The following PDE11A variants were observed in gnomAD, a reference collection of about 807,000 sequenced individuals.
PDE11A encodes the protein phosphodiesterase 11A, also known as dual 3',5'-cyclic-AMP and -GMP phosphodiesterase 11A.
PDE11A carries 100 observed loss-of-function variants against 100.5 expected under a neutral mutation model. The ratio of observed to expected loss-of-function variants is 1.00; its 90% CI spans 0.85 to 1.18. The LOEUF is 1.18. Ranked by LOEUF, PDE11A falls within the 50% of genes most tolerant of loss-of-function variation. PDE11A has a pLI of 0.00. For missense variants in PDE11A, 1,141 were observed against 1,152.6 expected (o/e 0.99, Z 0.15); for synonymous variants, 381 against 420.8 (o/e 0.91, Z 1.16).
At chr2:177,794,377 A>AACAGGAGGTCAT (rs1483979372) in intron 9 of PDE11A, among the ~76,000 whole-genome samples, 1 of 152,192 alleles carries the variant, frequency 6.6e-6, no homozygotes, top group African/African-American at 2.4e-5. Context: ...AAGTGAGAAT[A>AACAGGAGGTCAT]ACAGGAGGTC....
intron 2 of PDE11A, among the ~76,000 whole-genome samples, chr2:177,981,251 T>C (rs2085877989): frequency 1.3e-5 from 2 of 150,580 alleles, no homozygotes; most frequent in Non-Finnish European, 3.0e-5. Context: ...ATATTTACTG[T>C]ATTAGTTTCC....
At chr2:177,671,296 T>G (rs1368046698) in intron 17 of PDE11A, among the ~76,000 whole-genome samples, 1 of 152,126 alleles carries the variant, frequency 6.6e-6, no homozygotes, top group Non-Finnish European at 1.5e-5. Flanking sequence ...CTTGCACAAC[T>G]GCTTTGTTGG....
At chr2:177,738,627 G>A (rs1327434678) in intron 10 of PDE11A, among the ~76,000 whole-genome samples, 1 of 152,124 alleles carries the variant, frequency 6.6e-6, no homozygotes, top group East Asian at 1.9e-4. Context: ...ATGGCTTCCT[G>A]CCTACATCAA....
At chr2:177,772,030 A>T (rs1053704630) in intron 9 of PDE11A, among the ~76,000 whole-genome samples, 1 of 151,232 alleles carries the variant, frequency 6.6e-6, no homozygotes, top group African/African-American at 2.5e-5. Context: ...TAAATAAATA[A>T]AAATAATGCT....
At chr2:177,649,579 T>C (rs1054256602) in intron 19 of PDE11A, among the ~76,000 whole-genome samples, 18 of 152,228 alleles carry the variant, frequency 1.2e-4, no homozygotes, top group African/African-American at 3.9e-4. Flanking sequence ...TACACATAGA[T>C]ACATATGTGT....
chr2:177,833,497 A>C (rs1011572785), intron 6 of PDE11A, among the ~76,000 whole-genome samples: 2 of 152,214 alleles, frequency 1.3e-5, no homozygotes, highest in African/African-American at 4.8e-5. Flanking sequence ...AGGAAAGAGC[A>C]CTGAATCAGG....
chr2:177,900,961 G>T (rs2084685750), intron 3 of PDE11A, among the ~76,000 whole-genome samples: 1 of 152,070 alleles, frequency 6.6e-6, no homozygotes, highest in Non-Finnish European at 1.5e-5. Context: ...TCATTTCTGG[G>T]CATAGGCTGA....
chr2:177,733,836 T>A (rs1295354187), intron 10 of PDE11A, among the ~76,000 whole-genome samples: 2 of 152,238 alleles, frequency 1.3e-5, no homozygotes, highest in Non-Finnish European at 2.9e-5. Flanking sequence ...ATATACTCAC[T>A]CATTTGATGT....
At chr2:178,071,110 C>T (rs1369518) in intron 1 of PDE11A, among the ~76,000 whole-genome samples, 144,364 of 152,262 alleles carry the variant, frequency 0.95, 68,905 homozygotes, top group East Asian at 1. Flanking sequence ...CCAAAAGACA[C>T]CAAAGACACC....
rs1320100133 is a variant in PDE11A, at chr2:177,979,092, AAAG to A, written c.1071+35207_1071+35209del. On this transcript the variant is annotated intron_variant, in intron 2 of 19. Coordinates refer to ENST00000286063, the MANE Select transcript of PDE11A (RefSeq NM_016953.4). ...TAGAGTATAATAAAAAAAAAAAAAA[AAAG>A]AAAGAAAATGGCTTACATGAATTTC... Among the ~76,000 whole-genome samples the A allele has an allele frequency of 9.9e-3, 1,458 of 147,496 alleles. 41 individuals carry two copies. Among genetic ancestry groups the A allele is most frequent in the African/African-American group, 0.034 (1,368 of 39,802 alleles).
chr2:177,629,138 C>T lies in PDE11A; in HGVS notation c.*269G>A, dbSNP rs1286094052. The T allele has an allele frequency of 1.0e-5, 5 of 494,434 alleles. No individual in the cohort carries two copies. The highest frequency in any genetic ancestry group is 1.8e-5 in the Non-Finnish European group (5 of 270,998). 30.6% of individuals were successfully genotyped at this position (494,434 alleles called of 1,614,324 possible). ...AGGTCCTTGGATCCAAAACAGTCCCCTACCCAGAGCCTTCATTTCAGCCCA... is the reference window on the plus strand; with the variant it reads ...AGGTCCTTGGATCCAAAACAGTCCCTTACCCAGAGCCTTCATTTCAGCCCA... On this transcript the variant is annotated 3_prime_UTR_variant, in exon 20 of 20. Coordinates refer to ENST00000286063, the MANE Select transcript of PDE11A (RefSeq NM_016953.4).
chr2:177,942,016 T>C (rs2085351237), intron 2 of PDE11A, among the ~76,000 whole-genome samples: 1 of 152,242 alleles, frequency 6.6e-6, no homozygotes, highest in Non-Finnish European at 1.5e-5. Context: ...CATACTCCCA[T>C]TCCAGTCCTT....
intron 4 of PDE11A, among the ~76,000 whole-genome samples, chr2:177,897,303 C>A (rs2084625934): frequency 6.6e-6 from 1 of 152,182 alleles, no homozygotes; most frequent in African/African-American, 2.4e-5. Flanking sequence ...CAGCAGATTT[C>A]CCCCTGAAAG....
chr2:177,645,216 C>T (rs1413879836), intron 19 of PDE11A, among the ~76,000 whole-genome samples: 1 of 152,156 alleles, frequency 6.6e-6, no homozygotes, highest in Admixed American at 6.5e-5. Context: ...CATAGAGTCT[C>T]ACTCTGTCAC....
At chr2:177,870,650 G>T (rs553581313) in intron 5 of PDE11A, among the ~76,000 whole-genome samples, 1 of 152,308 alleles carries the variant, frequency 6.6e-6, no homozygotes, top group South Asian at 2.1e-4. Flanking sequence ...AAACGTAATG[G>T]CTGAGAAGAT....
At chr2:178,058,046 C>T (rs1425774838) in intron 1 of PDE11A, among the ~76,000 whole-genome samples, 1 of 152,024 alleles carries the variant, frequency 6.6e-6, no homozygotes, top group African/African-American at 2.4e-5. Flanking sequence ...TTAGTAAAGA[C>T]AGGGTTTCAC....
intron 1 of PDE11A, among the ~76,000 whole-genome samples, chr2:178,063,692 A>G (rs529520372): frequency 9.9e-5 from 15 of 152,278 alleles, no homozygotes; most frequent in African/African-American, 3.6e-4. Flanking sequence ...GTCTGGGTGT[A>G]TGAGATTTTG....
chr2:178,017,033 T>C (rs1315703335), intron 1 of PDE11A, among the ~76,000 whole-genome samples: 3 of 152,260 alleles, frequency 2.0e-5, no homozygotes, highest in Admixed American at 6.5e-5. Flanking sequence ...AACTAAAATA[T>C]AAAATCTAAG....
At chr2:178,016,131 ATTTT>A (rs55638601) in intron 1 of PDE11A, among the ~76,000 whole-genome samples, 3 of 83,742 alleles carry the variant, frequency 3.6e-5, no homozygotes, top group African/African-American at 1.5e-4. Context: ...TGCCTGGCTA[ATTTT>A]TTTTTTTTTT....
Sources: gnomAD v4.1 joint callset for allele counts (sites outside exome capture counted in the v4.1 genomes callset) on GRCh38, gnomAD v4.1.1 for gene constraint, MANE v1.5 for transcripts, NCBI Gene and HGNC (gene_info 2026-07-23, HGNC 2026-07-21) for gene names.